The following EML6 variants were observed in gnomAD, a reference collection of about 807,000 sequenced individuals.
The protein encoded by EML6 is echinoderm microtubule-associated protein-like 6.
A neutral mutation model predicts 240.1 loss-of-function variants in EML6; 154 were observed. That is an observed-to-expected ratio of 0.64 (90% CI 0.56 to 0.73). EML6 has a LOEUF of 0.73. Ranked by LOEUF, EML6 falls within the 30% of genes least tolerant of loss-of-function variation. EML6 has a pLI of 0.00. For synonymous variants in EML6, 1,148 were observed against 899.0 expected, an observed-to-expected ratio of 1.28 and a Z score of -4.95; for missense variants, 2,964 against 2,474.6, an observed-to-expected ratio of 1.20 and a Z score of -4.20.
At chr2:54,864,460 A>AT (rs1272820214) in intron 13 of EML6, among the ~76,000 whole-genome samples, 14 of 152,094 alleles carry the variant, frequency 9.2e-5, no homozygotes, top group Admixed American at 3.3e-4. Context: ...GGAAGTTGAC[A>AT]TATCATTTTA....
intron 17 of EML6, chr2:54,882,871 A>AAAAAAAAAAAAAAAAAAAAAAAAAC (rs962733331): frequency 7.8e-6 from 1 of 128,790 alleles, no homozygotes; most frequent in Non-Finnish European, 1.6e-5. Context: ...AAAAAAAAAA[A>AAAAAAAAAAAAAAAAAAAAAAAAAC]AAAGAAAGCT....
chr2:54,885,128 G>A (rs1672055677), intron 17 of EML6, among the ~76,000 whole-genome samples: 1 of 152,084 alleles, frequency 6.6e-6, no homozygotes, highest in Non-Finnish European at 1.5e-5. Context: ...CTGCACTCCA[G>A]CCTGAGTGAC....
chr2:54,934,029 G>T lies in EML6; in HGVS notation c.4004+5278G>T, dbSNP rs574799551. ...GAGGGAGAATGAGACAACACGCAGT[G>T]ATCACTGGTCCATAGCGTATTGTCT... On this transcript the variant is annotated intron_variant, in intron 28 of 41. Transcript: ENST00000356458. Among the ~76,000 whole-genome samples the T allele has an allele frequency of 3.3e-5, 5 of 152,224 alleles. No homozygotes were observed. In the South Asian group the frequency reaches 1.0e-3, roughly 32 times the overall value.
chr2:54,894,884 T>A lies in EML6; in HGVS notation c.2743-31T>A, dbSNP rs551872416. ...GTGGGTAATTGGTCATTTTGATGTG[T>A]ATATAATACCTCTCATGTGTGCCTT... is the stretch of plus-strand genomic sequence containing the variant. On this transcript the variant is annotated intron_variant, in intron 19 of 41. Coordinates refer to ENST00000356458, the MANE Select transcript of EML6 (RefSeq NM_001039753.4). 2.9e-5 allele frequency: 43 copies of A among 1,471,652 alleles called. No individual in the cohort carries two copies. In the African/African-American group the frequency reaches 5.6e-4, roughly 19 times the overall value. The allele number at this position is 1,471,652 out of a possible 1,614,324, so 91.2% of individuals were successfully genotyped here.
chr2:54,797,238 TAA>T lies in EML6; in HGVS notation c.198-15993_198-15992del, dbSNP rs202125687. On this transcript the variant is annotated intron_variant, in intron 2 of 41. Coordinates refer to ENST00000356458, the MANE Select transcript of EML6 (RefSeq NM_001039753.4). Reference sequence around the variant, plus strand: ...TGAGTCTGAGGAGCTGTATTTATTATAATAAGCCCCACCTGTTGAGGATGGAT... The same window carrying T: ...TGAGTCTGAGGAGCTGTATTTATTATTAAGCCCCACCTGTTGAGGATGGAT... 6.3e-3 allele frequency among the ~76,000 whole-genome samples: 947 copies of T among 149,950 alleles called. 6 individuals are homozygous for T. Among genetic ancestry groups the T allele is most frequent in the African/African-American group, 0.022 (905 of 40,726 alleles).
chr2:54,905,413 C>T (rs906325729), intron 24 of EML6, among the ~76,000 whole-genome samples: 1 of 150,602 alleles, frequency 6.6e-6, no homozygotes, highest in East Asian at 2.0e-4. Context: ...TCCCACCACT[C>T]AATGACTATT....
intron 3 of EML6, among the ~76,000 whole-genome samples, chr2:54,813,612 TA>T (rs1384852453): frequency 6.6e-6 from 1 of 152,196 alleles, no homozygotes; most frequent in Non-Finnish European, 1.5e-5. Context: ...ACCATCTGGT[TA>T]AAAAGCATCC....
At chr2:54,910,679 A>T (rs1673591690) in intron 24 of EML6, among the ~76,000 whole-genome samples, 1 of 151,836 alleles carries the variant, frequency 6.6e-6, no homozygotes, top group Non-Finnish European at 1.5e-5. Flanking sequence ...TCAGTGCAGC[A>T]TATCAATAAA....
chr2:54,913,572 G>A (rs1573130610), intron 25 of EML6, among the ~76,000 whole-genome samples: 1 of 152,066 alleles, frequency 6.6e-6, no homozygotes, highest in South Asian at 2.1e-4. Context: ...TGCATAGTTT[G>A]CAAATACTTT....
intron 19 of EML6, among the ~76,000 whole-genome samples, chr2:54,892,958 G>T (rs1321837540): frequency 6.6e-6 from 1 of 152,194 alleles, no homozygotes; most frequent in Non-Finnish European, 1.5e-5. Flanking sequence ...AGCAGCAGAA[G>T]AGTCCTGAGA....
At chr2:54,819,312 G>C (rs890127136) in intron 4 of EML6, among the ~76,000 whole-genome samples, 17 of 152,050 alleles carry the variant, frequency 1.1e-4, no homozygotes, top group Admixed American at 1.1e-3. Context: ...AAAGTGTTGG[G>C]TATCTGGGCC....
chr2:54,965,531 A>T, intron 38 of EML6, among the ~76,000 whole-genome samples: 1 of 152,318 alleles, frequency 6.6e-6, no homozygotes, highest in South Asian at 2.1e-4. Flanking sequence ...TTATTACTCA[A>T]ATTGGTCTCC....
intron 2 of EML6, among the ~76,000 whole-genome samples, chr2:54,790,260 C>A (rs1451877746): frequency 6.6e-6 from 1 of 152,156 alleles, no homozygotes; most frequent in Non-Finnish European, 1.5e-5. Context: ...CATCCACTTT[C>A]TATTTTCTCT....
Position 54,742,121 on chromosome 2 carries a change from T to C in EML6, c.197+16863T>C, listed in dbSNP as rs535348862. On this transcript the variant is annotated intron_variant, in intron 2 of 41. Coordinates refer to ENST00000356458, the MANE Select transcript of EML6 (RefSeq NM_001039753.4). ...AAGTGGTTTTAGTCTCCAGAATTTC[T>C]GCTCTATGCTAGCACTGGAATTAGT... 1.5e-3 allele frequency among the ~76,000 whole-genome samples: 233 copies of C among 152,354 alleles called. 1 individual carries two copies. The highest frequency in any genetic ancestry group is 3.1e-3 in the South Asian group (15 of 4,824).
intron 2 of EML6, among the ~76,000 whole-genome samples, chr2:54,772,738 G>C (rs1668450085): frequency 6.6e-6 from 1 of 152,152 alleles, no homozygotes; most frequent in African/African-American, 2.4e-5. Flanking sequence ...GGCAGAGCTG[G>C]GCTTCACACC....
Position 54,961,184 on chromosome 2 carries a change from G to GTTGTTTTTTTTTTTTTGTTTTTTT in EML6, c.4968+852_4968+853insGTTTTTTTTTTTTTGTTTTTTTTT. ...GGAGCCTGGAAGTTATCAGGAAGTA[G>GTTGTTTTTTTTTTTTTGTTTTTTT]TTTTTTTTTTTTTTTTTTTGAGACG... On this transcript the variant is annotated intron_variant, in intron 35 of 41. Transcript: ENST00000356458. Among the ~76,000 whole-genome samples the GTTGTTTTTTTTTTTTTGTTTTTTT allele has an allele frequency of 4.9e-4, 27 of 55,412 alleles. 1 individual carries two copies. Among genetic ancestry groups the GTTGTTTTTTTTTTTTTGTTTTTTT allele is most frequent in the Admixed American group, 1.1e-3 (4 of 3,712 alleles). 36.4% of individuals were successfully genotyped at this position (55,412 alleles called of 152,430 possible).
intron 19 of EML6, among the ~76,000 whole-genome samples, chr2:54,893,410 G>A (rs1672583478): frequency 6.6e-6 from 1 of 152,138 alleles, no homozygotes; most frequent in Admixed American, 6.6e-5. Context: ...AAGAGTGGGA[G>A]GGTCCGAAAT....
At chr2:54,812,085 T>C (rs1667875668) in intron 2 of EML6, among the ~76,000 whole-genome samples, 1 of 152,218 alleles carries the variant, frequency 6.6e-6, no homozygotes, top group African/African-American at 2.4e-5. Context: ...TATATAATGC[T>C]GATTACACAA....
At chr2:54,820,372 C>T in intron 4 of EML6, 22 bp from the exon 5 acceptor site, 1 of 1,518,962 alleles carries the variant, frequency 6.6e-7, no homozygotes. Flanking sequence ...ATCAACATGG[C>T]AACTTTTAAT....
Sources: gnomAD v4.1 joint callset for allele counts (sites outside exome capture counted in the v4.1 genomes callset) on GRCh38, gnomAD v4.1.1 for gene constraint, MANE v1.5 for transcripts, NCBI Gene and HGNC (gene_info 2026-07-23, HGNC 2026-07-21) for gene names.